The following RUBCNL variants were observed in gnomAD, a reference collection of about 807,000 sequenced individuals.
The protein encoded by RUBCNL is protein associated with UVRAG as autophagy enhancer.
In RUBCNL, 62 loss-of-function variants were observed where a neutral mutation model predicts 69.5. The ratio of observed to expected loss-of-function variants is 0.89; its 90% CI spans 0.73 to 1.10. RUBCNL has a LOEUF of 1.10. RUBCNL is among the 50% of genes least tolerant of loss of function. RUBCNL has a pLI of 0.00. For missense variants in RUBCNL, 768 were observed against 798.1 expected, an observed-to-expected ratio of 0.96 and a Z score of 0.45; for synonymous variants, 291 against 303.6, an observed-to-expected ratio of 0.96 and a Z score of 0.43.
upstream of RUBCNL, chr13:46,387,596 G>A (rs2049280952): frequency 1.0e-6 from 1 of 985,346 alleles, no homozygotes; most frequent in Non-Finnish European, 1.2e-6. Flanking sequence ...CCCAGCAGCA[G>A]TATTTAGCAG....
At chr13:46,368,879 A>G in intron 3 of RUBCNL, 64 bp from the exon 4 acceptor site, 1 of 1,161,080 alleles carries the variant, frequency 8.6e-7, no homozygotes, top group Middle Eastern at 2.0e-4. Context: ...TAATAAAATA[A>G]AACAATTATA....
chr13:46,344,648 T>C, intron 14 of RUBCNL, 93 bp downstream of exon 14: 2 of 793,708 alleles, frequency 2.5e-6, no homozygotes, highest in Non-Finnish European at 2.1e-6. Context: ...ATTAAGCTAT[T>C]ATTCAGCTTA....
At position 46,372,446 on chromosome 13, in the gene RUBCNL, A is replaced by T. The variant is rs1193455173; in HGVS notation, c.30T>A (p.Asp10Glu). The T allele has an allele frequency of 2.5e-6, 4 of 1,609,792 alleles. No individual in the cohort carries two copies. The highest frequency in any genetic ancestry group is 2.5e-6 in the Non-Finnish European group (3 of 1,178,006). The stretch of plus-strand genomic sequence containing the variant: ...TCCCTTCCCAGGGCTCCACAGGAGA[A>T]TCCTGCCTGACTGTAGATTGTGACA... MVSQSTVRQ[D>E]SPVEPWEGIS... is the part of the protein sequence containing the mutation. Residue 10 changes from aspartate to glutamate, a missense_variant, in exon 3 of 15, where the codon GAT becomes GAA. Coordinates refer to ENST00000429979, the MANE Select transcript of RUBCNL (RefSeq NM_025113.5).
In RUBCNL at chr13:46,372,977, CTTTTT is replaced by C. The variant is rs113547115; in HGVS notation, c.-122-385_-122-381del. On this transcript the variant is annotated intron_variant, in intron 2 of 14. Coordinates refer to ENST00000429979, the MANE Select transcript of RUBCNL (RefSeq NM_025113.5). ...ACACATTTCCACATTTTCTTTCTTT[CTTTTT>C]TTTTTTTTAAACACAGAGTCTCACT... Among the ~76,000 whole-genome samples, 5 of 145,358 alleles carry C rather than the reference CTTTTT, an allele frequency of 3.4e-5. No homozygotes were observed. In the South Asian group the frequency reaches 1.1e-3, roughly 31 times the overall value.
At chr13:46,380,655 T>C (rs2138842615) in intron 1 of RUBCNL, among the ~76,000 whole-genome samples, 1 of 152,352 alleles carries the variant, frequency 6.6e-6, no homozygotes, top group East Asian at 1.9e-4. Flanking sequence ...AATTTTATTA[T>C]TATTCATACT....
At chr13:46,359,343 C>A (rs2048559738) in intron 9 of RUBCNL, 143 bp downstream of exon 9, 5 of 550,844 alleles carry the variant, frequency 9.1e-6, no homozygotes, top group South Asian at 5.6e-5. Flanking sequence ...CCAGAAAATA[C>A]AGCCAACTTT....
At position 46,341,521 on chromosome 13, in the gene RUBCNL, A is replaced by G. The variant is rs116254929; in HGVS notation, c.*1864T>C. 1.5e-3 allele frequency among the ~76,000 whole-genome samples: 226 copies of G among 152,282 alleles called. No homozygotes were observed. The highest frequency in any genetic ancestry group is 5.3e-3 in the African/African-American group (221 of 41,548). On this transcript the variant is annotated 3_prime_UTR_variant, in exon 15 of 15. Coordinates refer to ENST00000429979, the MANE Select transcript of RUBCNL (RefSeq NM_025113.5). ...CTCAAAATAGAAAATCAAAAGCATC[A>G]CTTCCTGGCAACTGCTGTGCACTCT... is the stretch of plus-strand genomic sequence containing the variant.
At chr13:46,374,447 T>C (rs1167246920) in intron 2 of RUBCNL, 3 of 152,224 alleles carry the variant, frequency 2.0e-5, no homozygotes, top group Non-Finnish European at 2.9e-5. Context: ...AGTTGATGCA[T>C]GGAGTGGACG....
rs548818687 is a variant in RUBCNL at position 46,349,168 on chromosome 13, C to A, written c.1631+118G>T. 3 of 793,180 alleles carry A rather than the reference C, an allele frequency of 3.8e-6. No individual in the cohort carries two copies. The East Asian group carries it at 7.9e-5, about 21-fold the overall frequency. 49.1% of individuals were successfully genotyped at this position (793,180 alleles called of 1,614,324 possible). A position where few individuals can be genotyped will look rare whatever the true frequency, so the allele number is the denominator to read the frequency against. ...GATGGCATGATTTCCCAAGGAAAGC[C>A]ATGAGGTCATCACTGTGCTAAGAAG... On this transcript the variant is annotated intron_variant, in intron 12 of 14. Coordinates refer to ENST00000429979, the MANE Select transcript of RUBCNL (RefSeq NM_025113.5).
rs1362214798 is a variant in RUBCNL at position 46,335,713 on chromosome 13, A to T, written c.*7672T>A. Reference sequence around the variant, plus strand: ...CAACTAAGATATATTTTGTAGGTAGAGCTGACAGAAGTTACTGATGGACTG... The same window carrying T: ...CAACTAAGATATATTTTGTAGGTAGTGCTGACAGAAGTTACTGATGGACTG... On this transcript the variant is annotated 3_prime_UTR_variant, in exon 15 of 15. Transcript: ENST00000429979. Among the ~76,000 whole-genome samples the T allele has an allele frequency of 2.0e-5, 3 of 152,192 alleles. No individual in the cohort carries two copies. The highest frequency in any genetic ancestry group is 4.4e-5 in the Non-Finnish European group (3 of 68,024).
intron 7 of RUBCNL, 140 bp from the exon 8 acceptor site, chr13:46,361,713 A>G (rs1201216699): frequency 4.0e-6 from 3 of 746,714 alleles, no homozygotes; most frequent in Non-Finnish European, 6.4e-6. Context: ...TGAATCACTC[A>G]CCAGGCATCT....
In RUBCNL at chr13:46,338,834, A is replaced by G. The variant is rs1163575172; in HGVS notation, c.*4551T>C. On this transcript the variant is annotated 3_prime_UTR_variant, in exon 15 of 15. Transcript: ENST00000429979. ...CACTTTGGGAGGCCGAGGCGGGTAG[A>G]TCACTTCTGAGACCAGCCTGGCCAA... Among the ~76,000 whole-genome samples, 1 of 151,976 alleles carries G rather than the reference A, an allele frequency of 6.6e-6. No homozygotes were observed. The highest frequency in any genetic ancestry group is 1.5e-5 in the Non-Finnish European group (1 of 67,972).
intron 2 of RUBCNL, among the ~76,000 whole-genome samples, chr13:46,377,047 T>C (rs1205881972): frequency 1.1e-5 from 1 of 94,228 alleles, no homozygotes; most frequent in Non-Finnish European, 2.2e-5. Flanking sequence ...TTTAGTTCCT[T>C]TCTCTTACTA....
chr13:46,383,068 A>G (rs1258860269), intron 1 of RUBCNL, among the ~76,000 whole-genome samples: 1 of 152,260 alleles, frequency 6.6e-6, no homozygotes, highest in Non-Finnish European at 1.5e-5. Context: ...AGTGGGCAAC[A>G]TGGATGAAGC....
rs906867978 is a variant in RUBCNL at position 46,349,335 on chromosome 13, G to A, written c.1582C>T (p.Gln528Ter). Residue 528 changes from glutamine (Q) to a stop codon, truncating the protein, a stop_gained, in exon 12 of 15, where the codon CAG becomes TAG. Transcript: ENST00000429979. LOFTEE classifies it high-confidence loss of function. ...AACAGCTTCTTGATATGGAAGAGCT[G>A]CTCCTGAATTTCCTAATGGGAGAAA... ...ELDRVKEIQE[Q>*]LFHIKKLLKT... is the part of the protein sequence containing the mutation. The A allele has an allele frequency of 1.9e-6, 3 of 1,613,696 alleles. No individual in the cohort carries two copies. The Admixed American group carries it at 5.0e-5, about 27-fold the overall frequency.
At position 46,345,470 on chromosome 13, in the gene RUBCNL, G is replaced by A. The variant is rs760438793; in HGVS notation, c.1762C>T (p.Leu588Phe). The change falls in exon 13 of 15, where the codon CTT becomes TTT. Residue 588 changes from leucine to phenylalanine, a missense_variant. Coordinates refer to ENST00000429979, the MANE Select transcript of RUBCNL (RefSeq NM_025113.5). The part of the protein sequence containing the change: ...PLLKDILKAS[L>F]AHVAGCELCQ... ...ACCTCACAGCCAGCCACATGTGCAA[G>A]GGAAGCTTTCAGAATGTCCTTGAGT... 12 of 1,571,786 alleles carry A rather than the reference G, an allele frequency of 7.6e-6. No individual in the cohort carries two copies. Among genetic ancestry groups the A allele is most frequent in the Admixed American group, 1.9e-5 (1 of 52,906 alleles).
At chr13:46,377,851 G>T in intron 2 of RUBCNL, 39 bp downstream of exon 2, 1 of 1,193,442 alleles carries the variant, frequency 8.4e-7, no homozygotes, top group Non-Finnish European at 1.2e-6. Context: ...CAGCTGGGCA[G>T]TGGCAGAGAG....
At chr13:46,364,626 T>C (rs1367440349) in intron 5 of RUBCNL, among the ~76,000 whole-genome samples, 1 of 122,694 alleles carries the variant, frequency 8.2e-6, no homozygotes, top group African/African-American at 3.4e-5. Flanking sequence ...TATGTTTAAC[T>C]GATAAAAAAA....
At chr13:46,351,103 A>C (rs1388632945) in intron 10 of RUBCNL, 1 of 108,736 alleles carries the variant, frequency 9.2e-6, no homozygotes, top group Non-Finnish European at 1.8e-5. Flanking sequence ...TCTCCACAGA[A>C]AAAAAAAAAA....
Sources: gnomAD v4.1 joint callset for allele counts (sites outside exome capture counted in the v4.1 genomes callset) on GRCh38, gnomAD v4.1.1 for gene constraint, MANE v1.5 for transcripts, NCBI Gene and HGNC (gene_info 2026-07-23, HGNC 2026-07-21) for gene names.